Variants in CDH13 observed in about 807,000 individuals in gnomAD.
CDH13 encodes the protein cadherin-13.
A neutral mutation model predicts 63.8 loss-of-function variants in CDH13; 24 were observed. That is an observed-to-expected ratio of 0.38 (90% confidence interval 0.27 to 0.53). CDH13 has a LOEUF of 0.53. CDH13 is among the 20% of genes least tolerant of loss of function. The pLI, the probability that CDH13 is intolerant of heterozygous loss-of-function variation, is 0.85. For synonymous variants in CDH13, 503 were observed against 355.3 expected (o/e 1.42, Z -4.67); for missense variants, 1,049 against 903.1 (o/e 1.16, Z -2.07).
intron 5 of CDH13, among the ~76,000 whole-genome samples, chr16:83,330,908 G>A (rs2090468076): frequency 6.6e-6 from 1 of 152,192 alleles, no homozygotes; most frequent in African/African-American, 2.4e-5. Flanking sequence ...CCCTTATCAG[G>A]AACATAATGC....
rs189642389 is a variant in CDH13 at position 82,900,902 on chromosome 16, C to T, written c.157+42429C>T. On this transcript the variant is annotated intron_variant, in intron 2 of 13. Transcript: ENST00000567109. ...TGTTAGGATTAAGCATAAACCAAAA[C>T]GAGCAGGGAAATCCCAAGCACTAAA... is the stretch of plus-strand genomic sequence containing the variant. Among the ~76,000 whole-genome samples, 76 of 152,282 alleles carry T rather than the reference C, an allele frequency of 5.0e-4. 2 individuals carry two copies. The East Asian group carries it at 0.011, about 22-fold the overall frequency.
chr16:83,774,123 C>A (rs534282587), intron 11 of CDH13, among the ~76,000 whole-genome samples: 1 of 152,186 alleles, frequency 6.6e-6, no homozygotes, highest in Admixed American at 6.5e-5. Flanking sequence ...ATTCGTCCTA[C>A]AGAAATAGTA....
intron 2 of CDH13, among the ~76,000 whole-genome samples, chr16:82,980,325 C>T (rs1193449655): frequency 6.6e-6 from 1 of 152,162 alleles, no homozygotes; most frequent in Non-Finnish European, 1.5e-5. Context: ...TAGAGACTCA[C>T]AGAGTGCTTT....
At chr16:83,062,608 A>G (rs190728790) in intron 3 of CDH13, among the ~76,000 whole-genome samples, 30 of 152,354 alleles carry the variant, frequency 2.0e-4, no homozygotes, top group Admixed American at 3.9e-4. Flanking sequence ...AATAACTGCA[A>G]GATGACCCTG....
At chr16:83,728,081 C>A (rs1910620339) in intron 10 of CDH13, among the ~76,000 whole-genome samples, 1 of 152,140 alleles carries the variant, frequency 6.6e-6, no homozygotes, top group South Asian at 2.1e-4. Context: ...TATGCGGCAA[C>A]ACATACTCAG....
At chr16:82,711,540 A>G (rs1567650884) in intron 1 of CDH13, among the ~76,000 whole-genome samples, 1 of 152,284 alleles carries the variant, frequency 6.6e-6, no homozygotes, top group Non-Finnish European at 1.5e-5. Context: ...GAGGGTTCTG[A>G]AAAAATCAGG....
chr16:83,291,366 C>A (rs1042695001), intron 5 of CDH13, among the ~76,000 whole-genome samples: 2 of 151,818 alleles, frequency 1.3e-5, no homozygotes, highest in African/African-American at 4.8e-5. Flanking sequence ...CTTATTGTAC[C>A]CCCGCTTTGT....
At chr16:83,615,716 C>T (rs966074490) in intron 8 of CDH13, among the ~76,000 whole-genome samples, 2 of 152,206 alleles carry the variant, frequency 1.3e-5, no homozygotes, top group East Asian at 3.9e-4. Flanking sequence ...CAGTTTCCAA[C>T]TCTGTAAACA....
At chr16:83,557,351 A>C (rs2075624969) in intron 7 of CDH13, among the ~76,000 whole-genome samples, 1 of 152,214 alleles carries the variant, frequency 6.6e-6, no homozygotes, top group South Asian at 2.1e-4. Flanking sequence ...TAAAGTGCAC[A>C]ATAAATGTAA....
intron 10 of CDH13, among the ~76,000 whole-genome samples, chr16:83,698,378 C>A (rs1680052466): frequency 6.6e-6 from 1 of 152,240 alleles, no homozygotes. Context: ...ATACAAGAAA[C>A]TGCTTCTGTT....
intron 1 of CDH13, among the ~76,000 whole-genome samples, chr16:82,726,574 G>T (rs1268827377): frequency 6.6e-6 from 1 of 152,176 alleles, no homozygotes; most frequent in East Asian, 1.9e-4. Flanking sequence ...TGCATCTGTT[G>T]CAGCTTATTT....
At chr16:83,137,773 C>T (rs2036357827) in intron 4 of CDH13, among the ~76,000 whole-genome samples, 1 of 152,050 alleles carries the variant, frequency 6.6e-6, no homozygotes, top group Non-Finnish European at 1.5e-5. Flanking sequence ...TTTCACGGTC[C>T]AATTACTGGT....
chr16:83,316,516 G>A (rs2090108799), intron 5 of CDH13, among the ~76,000 whole-genome samples: 1 of 152,156 alleles, frequency 6.6e-6, no homozygotes, highest in Admixed American at 6.5e-5. Context: ...GCAGAAGTGG[G>A]GCAAATGTAG....
intron 7 of CDH13, among the ~76,000 whole-genome samples, chr16:83,572,052 G>C (rs1904674485): frequency 6.6e-6 from 1 of 152,178 alleles, no homozygotes; most frequent in Non-Finnish European, 1.5e-5. Context: ...GTCAAATAGG[G>C]ATAACTTCCA....
intron 1 of CDH13, among the ~76,000 whole-genome samples, chr16:82,786,746 C>T (rs1039003867): frequency 2.7e-5 from 4 of 150,052 alleles, no homozygotes; most frequent in African/African-American, 9.8e-5. Flanking sequence ...TGAGTGAGAA[C>T]ATGCGGTGTT....
chr16:82,719,602 T>C lies in CDH13; in HGVS notation c.45+92465T>C, dbSNP rs187025312. 123 of 352,830 alleles carry C rather than the reference T, an allele frequency of 3.5e-4. No individual in the cohort carries two copies. In the East Asian group the frequency reaches 9.0e-3, roughly 26 times the overall value. 21.9% of individuals were successfully genotyped at this position (352,830 alleles called of 1,614,324 possible). ...GGCTTGTGTCTGTAATCCCAGCACT[T>C]TGACAAGCCAAGGTGGGTGGATCAC... On this transcript the variant is annotated intron_variant, in intron 1 of 13. Coordinates refer to ENST00000567109, the MANE Select transcript of CDH13 (RefSeq NM_001257.5).
At chr16:82,939,053 T>A (rs1242715351) in intron 2 of CDH13, among the ~76,000 whole-genome samples, 1 of 152,022 alleles carries the variant, frequency 6.6e-6, no homozygotes, top group East Asian at 1.9e-4. Flanking sequence ...TGGAGCACAG[T>A]GAAGTGGGGT....
intron 5 of CDH13, among the ~76,000 whole-genome samples, chr16:83,304,060 T>C (rs2089816367): frequency 6.6e-6 from 1 of 152,186 alleles, no homozygotes; most frequent in Admixed American, 6.5e-5. Flanking sequence ...TAAAATATTT[T>C]AATTATTCAT....
At chr16:82,861,850 G>A (rs1001803525) in intron 2 of CDH13, among the ~76,000 whole-genome samples, 4 of 152,208 alleles carry the variant, frequency 2.6e-5, no homozygotes, top group Non-Finnish European at 2.9e-5. Context: ...AACGTAACCA[G>A]TGGGCTCTTC....
Sources: gnomAD v4.1 joint callset for allele counts (sites outside exome capture counted in the v4.1 genomes callset) on GRCh38, gnomAD v4.1.1 for gene constraint, MANE v1.5 for transcripts, NCBI Gene and HGNC (gene_info 2026-07-23, HGNC 2026-07-21) for gene names.